CNGB3: variants seen among roughly 807,000 people sequenced by gnomAD.
CNGB3 encodes cyclic nucleotide gated channel subunit beta 3, also known as cyclic nucleotide-gated channel beta-3.
In CNGB3, 86 loss-of-function variants were observed where a neutral mutation model predicts 92.8. The ratio of observed to expected loss-of-function variants is 0.93; its 90% CI spans 0.78 to 1.11. The LOEUF is 1.11. Among genes scored for constraint, CNGB3 ranks in the 50% least tolerant of loss-of-function variants. The pLI is 0.00. For missense variants in CNGB3, 1,026 were observed against 956.8 expected (o/e 1.07, Z -0.95); for synonymous variants, 333 against 332.7 (o/e 1.00, Z -0.01).
In CNGB3 at chr8:86,732,291, G is replaced by A. The variant is rs188611269; in HGVS notation, c.212-5634C>T. On this transcript the variant is annotated intron_variant, in intron 2 of 17. Coordinates refer to ENST00000320005, the MANE Select transcript of CNGB3 (RefSeq NM_019098.5). ...TGGTTACCCATCACACACATGCTGGGCACCTAATCTCAAGAGGGTGGCCTG... is the reference window on the plus strand; with the variant it reads ...TGGTTACCCATCACACACATGCTGGACACCTAATCTCAAGAGGGTGGCCTG... Among the ~76,000 whole-genome samples the A allele has an allele frequency of 7.9e-5, 12 of 152,264 alleles. No individual in the cohort carries two copies. In the East Asian group the frequency reaches 2.1e-3, roughly 27 times the overall value.
intron 15 of CNGB3, among the ~76,000 whole-genome samples, chr8:86,593,198 C>G (rs1822084717): frequency 6.6e-6 from 1 of 152,118 alleles, no homozygotes; most frequent in Non-Finnish European, 1.5e-5. Flanking sequence ...GATTTCAGAA[C>G]TGAATTGGCC....
At chr8:86,584,254 G>A (rs559520028) in intron 15 of CNGB3, among the ~76,000 whole-genome samples, 2 of 152,196 alleles carry the variant, frequency 1.3e-5, no homozygotes, top group African/African-American at 4.8e-5. Flanking sequence ...ATATTTGAAG[G>A]ACAATGATTG....
At chr8:86,590,514 A>G (rs1822004630) in intron 15 of CNGB3, among the ~76,000 whole-genome samples, 1 of 151,320 alleles carries the variant, frequency 6.6e-6, no homozygotes, top group African/African-American at 2.4e-5. Context: ...TTCCTTCAGG[A>G]GCTCTTTTAG....
Position 86,658,086 on chromosome 8 carries a change from C to T in CNGB3, c.853-4024G>A, listed in dbSNP as rs137934324. On this transcript the variant is annotated intron_variant, in intron 6 of 17. Transcript: ENST00000320005. ...GCTTCTCCATGGCCCCCTGCAGGGC[C>T]GGGTGGGCCTCCCCACACACAGAAT... 3.5e-3 allele frequency: 1,875 copies of T among 528,910 alleles called. 21 individuals carry two copies. Among genetic ancestry groups the T allele is most frequent in the African/African-American group, 0.032 (1,589 of 49,698 alleles). The allele number at this position is 528,910 out of a possible 1,614,324, so 32.8% of individuals were successfully genotyped here.
At chr8:86,602,970 G>A (rs1283590904) in intron 15 of CNGB3, among the ~76,000 whole-genome samples, 1 of 152,102 alleles carries the variant, frequency 6.6e-6, no homozygotes, top group Non-Finnish European at 1.5e-5. Flanking sequence ...CTGTACTCCA[G>A]CCATATTGAC....
At chr8:86,621,855 G>C (rs896833447) in intron 13 of CNGB3, among the ~76,000 whole-genome samples, 1 of 152,166 alleles carries the variant, frequency 6.6e-6, no homozygotes, top group Non-Finnish European at 1.5e-5. Flanking sequence ...AGGAGGTCAA[G>C]AGATTAAGAC....
At chr8:86,729,119 C>A (rs1004451155) in intron 2 of CNGB3, among the ~76,000 whole-genome samples, 1 of 152,106 alleles carries the variant, frequency 6.6e-6, no homozygotes, top group Admixed American at 6.6e-5. Flanking sequence ...CCATGTTGTG[C>A]AGGCTGGTTT....
chr8:86,600,008 TG>T (rs1822257029), intron 15 of CNGB3, among the ~76,000 whole-genome samples: 1 of 152,208 alleles, frequency 6.6e-6, no homozygotes. Flanking sequence ...TGGTGACATG[TG>T]ATGTCTCCCC....
chr8:86,579,428 G>A (rs1821720088), intron 15 of CNGB3, among the ~76,000 whole-genome samples, 176 bp from the exon 16 acceptor site: 1 of 152,192 alleles, frequency 6.6e-6, no homozygotes, highest in Non-Finnish European at 1.5e-5. Flanking sequence ...AAATGGCTCA[G>A]TTTTCAATAT....
chr8:86,576,495 T>C (rs550267030), intron 17 of CNGB3, among the ~76,000 whole-genome samples: 3 of 152,334 alleles, frequency 2.0e-5, no homozygotes, highest in East Asian at 1.9e-4. Flanking sequence ...ATATTTATTT[T>C]TAATAAAAAC....
intron 13 of CNGB3, 141 bp downstream of exon 13, chr8:86,625,842 C>G (rs1271489117): frequency 5.5e-6 from 4 of 723,832 alleles, no homozygotes; most frequent in African/African-American, 3.5e-5. Flanking sequence ...TTATTTGACT[C>G]TTTAATTCCA....
intron 3 of CNGB3, among the ~76,000 whole-genome samples, chr8:86,721,186 A>G (rs1371129231): frequency 6.6e-6 from 1 of 151,970 alleles, no homozygotes; most frequent in Non-Finnish European, 1.5e-5. Context: ...GGTTGGTCTC[A>G]CATTGCTGAC....
At chr8:86,699,855 G>A (rs908944797) in intron 3 of CNGB3, among the ~76,000 whole-genome samples, 2 of 152,124 alleles carry the variant, frequency 1.3e-5, no homozygotes, top group African/African-American at 4.8e-5. Context: ...CCTAAGAGGA[G>A]AGACAATTGG....
chr8:86,649,431 G>T (rs893755323), intron 7 of CNGB3, among the ~76,000 whole-genome samples: 5 of 151,270 alleles, frequency 3.3e-5, no homozygotes, highest in African/African-American at 1.2e-4. Flanking sequence ...AAAACAGCAT[G>T]GTACTGGTAT....
chr8:86,737,363 C>T (rs1367834317), intron 2 of CNGB3, among the ~76,000 whole-genome samples: 1 of 152,102 alleles, frequency 6.6e-6, no homozygotes, highest in Non-Finnish European at 1.5e-5. Context: ...ATATTTCCCT[C>T]CAGTTATTTA....
intron 3 of CNGB3, among the ~76,000 whole-genome samples, chr8:86,678,962 A>G (rs1219390863): frequency 2.6e-5 from 4 of 152,112 alleles, no homozygotes; most frequent in African/African-American, 9.7e-5. Context: ...AAATTCCTCA[A>G]TGGCTTCAGG....
At chr8:86,614,875 C>A (rs1478124267) in intron 13 of CNGB3, among the ~76,000 whole-genome samples, 1 of 152,150 alleles carries the variant, frequency 6.6e-6, no homozygotes, top group Non-Finnish European at 1.5e-5. Flanking sequence ...TACAGCCACT[C>A]TCCCAAGACA....
chr8:86,656,657 C>T (rs566035423), intron 6 of CNGB3, among the ~76,000 whole-genome samples: 1 of 152,104 alleles, frequency 6.6e-6, no homozygotes, highest in Non-Finnish European at 1.5e-5. Flanking sequence ...CAATAGATAG[C>T]TTTTGAAGAA....
chr8:86,726,060 C>G (rs957765846), intron 3 of CNGB3, among the ~76,000 whole-genome samples: 1 of 152,108 alleles, frequency 6.6e-6, no homozygotes, highest in Non-Finnish European at 1.5e-5. Context: ...TAAAGATGTT[C>G]CAGTTCTGTA....
Sources: allele counts gnomAD v4.1 joint callset (sites outside exome capture counted in the v4.1 genomes callset), GRCh38; gene constraint gnomAD v4.1.1; transcripts MANE v1.5; gene names NCBI Gene and HGNC (gene_info 2026-07-23, HGNC 2026-07-21).